Variants in SLC10A7 observed in about 807,000 individuals in gnomAD.
SLC10A7 encodes the protein solute carrier family 10 member 7.
Under a neutral mutation model 43.2 loss-of-function variants are expected in SLC10A7, and 29 were observed. That is an observed-to-expected ratio of 0.67 (90% CI 0.50 to 0.92). The LOEUF (loss-of-function observed/expected upper bound fraction) is 0.92, where lower values mean the gene tolerates loss of function less well. Ranked by LOEUF, SLC10A7 falls within the 40% of genes least tolerant of loss-of-function variation. The pLI, the probability that SLC10A7 is intolerant of heterozygous loss-of-function variation, is 0.00. For missense variants in SLC10A7, 295 were observed against 403.2 expected (o/e 0.73, Z 2.30); for synonymous variants, 152 against 144.8 (o/e 1.05, Z -0.35).
intron 5 of SLC10A7, among the ~76,000 whole-genome samples, chr4:146,391,434 C>T (rs927752105): frequency 2.0e-5 from 3 of 152,072 alleles, no homozygotes; most frequent in Admixed American, 6.5e-5. Flanking sequence ...GAAGAAAAAG[C>T]GTAAAGTAAA....
Position 146,328,054 on chromosome 4 carries a change from C to T in SLC10A7, c.436-2058G>A, listed in dbSNP as rs890180043. ...GACCCACCCTGCTCCCTGCCACTGGCGCCTGTGCACACCATTGGGAGGCCT... is the reference window on the plus strand; with the variant it reads ...GACCCACCCTGCTCCCTGCCACTGGTGCCTGTGCACACCATTGGGAGGCCT... On this transcript the variant is annotated intron_variant, in intron 5 of 11. Coordinates refer to ENST00000335472, the MANE Select transcript of SLC10A7 (RefSeq NM_001029998.6). Among the ~76,000 whole-genome samples the T allele has an allele frequency of 5.3e-5, 8 of 152,150 alleles. No homozygotes were observed. In the South Asian group the frequency reaches 8.3e-4, roughly 16 times the overall value.
intron 5 of SLC10A7, among the ~76,000 whole-genome samples, chr4:146,374,354 C>T (rs749712431): frequency 2.6e-5 from 4 of 151,594 alleles, no homozygotes; most frequent in East Asian, 1.9e-4. Context: ...TTTGGGAGGC[C>T]GAGGCAGGCA....
At chr4:146,388,044 C>G (rs1450783467) in intron 5 of SLC10A7, among the ~76,000 whole-genome samples, 1 of 152,146 alleles carries the variant, frequency 6.6e-6, no homozygotes, top group Non-Finnish European at 1.5e-5. Flanking sequence ...AAATTACCAA[C>G]ATCATTTTTC....
chr4:146,292,006 C>T (rs1465346984), intron 9 of SLC10A7, among the ~76,000 whole-genome samples: 2 of 152,090 alleles, frequency 1.3e-5, no homozygotes, highest in Admixed American at 1.3e-4. Flanking sequence ...AAGGAGGAAC[C>T]AGGACATGGA....
chr4:146,370,782 A>C (rs560172301), intron 5 of SLC10A7, among the ~76,000 whole-genome samples: 5 of 152,244 alleles, frequency 3.3e-5, no homozygotes, highest in Admixed American at 1.3e-4. Flanking sequence ...CGAAATGTCT[A>C]CTCCAAAAAG....
chr4:146,485,954 A>G (rs1375107602), intron 4 of SLC10A7, among the ~76,000 whole-genome samples: 3 of 152,196 alleles, frequency 2.0e-5, no homozygotes, highest in Non-Finnish European at 2.9e-5. Context: ...AAAAATATAG[A>G]GATTAAAAAA....
chr4:146,427,133 C>G (rs542296698), intron 5 of SLC10A7, among the ~76,000 whole-genome samples: 2 of 151,820 alleles, frequency 1.3e-5, no homozygotes, highest in African/African-American at 4.8e-5. Flanking sequence ...GATTGTAGAC[C>G]AGCTTGGGTA....
chr4:146,361,504 T>C (rs1014887068), intron 5 of SLC10A7, among the ~76,000 whole-genome samples: 3 of 152,160 alleles, frequency 2.0e-5, no homozygotes, highest in Admixed American at 1.3e-4. Flanking sequence ...CTGCAACAGT[T>C]GCAGTATTGC....
chr4:146,521,585 C>G lies in SLC10A7; in HGVS notation c.100+33G>C, dbSNP rs560313083. On this transcript the variant is annotated intron_variant, in intron 1 of 11. Transcript: ENST00000335472. ...TCACAAATTAGTTCTGAAGTGGGAGCCGCGGTGGAGCCGGCAGAGGTGCAG... is the reference window on the plus strand; with the variant it reads ...TCACAAATTAGTTCTGAAGTGGGAGGCGCGGTGGAGCCGGCAGAGGTGCAG... The G allele has an allele frequency of 1.0e-5, 16 of 1,571,298 alleles. No individual in the cohort carries two copies. The South Asian group carries it at 1.8e-4, about 18-fold the overall frequency.
chr4:146,374,741 A>G (rs1579024963), intron 5 of SLC10A7, among the ~76,000 whole-genome samples: 1 of 152,084 alleles, frequency 6.6e-6, no homozygotes, highest in African/African-American at 2.4e-5. Context: ...CTGTGCTAAC[A>G]TTACTTCAAT....
intron 5 of SLC10A7, among the ~76,000 whole-genome samples, chr4:146,437,124 T>C (rs1290296012): frequency 6.6e-6 from 1 of 152,114 alleles, no homozygotes; most frequent in Non-Finnish European, 1.5e-5. Context: ...TTGAATCTAA[T>C]GGACTCTGAG....
intron 4 of SLC10A7, among the ~76,000 whole-genome samples, chr4:146,471,984 C>G (rs966357134): frequency 6.6e-6 from 1 of 152,066 alleles, no homozygotes; most frequent in Non-Finnish European, 1.5e-5. Context: ...CCATACCCCC[C>G]CACTCCCAAA....
chr4:146,470,359 C>T (rs1366966376), intron 4 of SLC10A7, among the ~76,000 whole-genome samples: 1 of 151,118 alleles, frequency 6.6e-6, no homozygotes, highest in Non-Finnish European at 1.5e-5. Context: ...ATTATATATA[C>T]ATATAAATGT....
intron 1 of SLC10A7, among the ~76,000 whole-genome samples, chr4:146,519,110 T>A (rs1341597567): frequency 0.021 from 352 of 16,648 alleles, 16 homozygotes; most frequent in African/African-American, 0.08. Flanking sequence ...TATATATATA[T>A]ATAATATAAT....
chr4:146,477,102 G>A (rs560858607), intron 4 of SLC10A7, among the ~76,000 whole-genome samples: 3 of 152,294 alleles, frequency 2.0e-5, no homozygotes, highest in African/African-American at 7.2e-5. Flanking sequence ...ATTAAAAGAA[G>A]CCTTGACCAC....
At chr4:146,500,526 G>A (rs1002111172) in intron 4 of SLC10A7, among the ~76,000 whole-genome samples, 8 of 151,944 alleles carry the variant, frequency 5.3e-5, no homozygotes, top group African/African-American at 1.7e-4. Flanking sequence ...AACAGCCCAA[G>A]GTCTACTGAC....
At chr4:146,332,877 T>C (rs1400888798) in intron 5 of SLC10A7, among the ~76,000 whole-genome samples, 1 of 152,168 alleles carries the variant, frequency 6.6e-6, no homozygotes, top group African/African-American at 2.4e-5. Context: ...CTGATGATAT[T>C]TCTGGATATG....
At position 146,256,448 on chromosome 4, in the gene SLC10A7, T is replaced by C. The variant is rs866022689; in HGVS notation, c.*43A>G. Reference sequence around the variant, plus strand: ...TCTTCAGAATTGCTAGTATGTACAATCCTGTACATATATACATTGCTACAG... The same window carrying C: ...TCTTCAGAATTGCTAGTATGTACAACCCTGTACATATATACATTGCTACAG... On this transcript the variant is annotated 3_prime_UTR_variant, in exon 12 of 12. Coordinates refer to ENST00000335472, the MANE Select transcript of SLC10A7 (RefSeq NM_001029998.6). The C allele has an allele frequency of 6.3e-7, 1 of 1,585,952 alleles. No individual in the cohort carries two copies. Among genetic ancestry groups the C allele is most frequent in the Middle Eastern group, 1.7e-4 (1 of 6,020 alleles).
At chr4:146,515,939 A>G (rs1438699636) in intron 2 of SLC10A7, among the ~76,000 whole-genome samples, 2 of 151,496 alleles carry the variant, frequency 1.3e-5, no homozygotes, top group Non-Finnish European at 2.9e-5. Context: ...AAAAAACCCA[A>G]TGAAAAGATT....
Sources: gnomAD v4.1 joint callset for allele counts (sites outside exome capture counted in the v4.1 genomes callset) on GRCh38, gnomAD v4.1.1 for gene constraint, MANE v1.5 for transcripts, NCBI Gene and HGNC (gene_info 2026-07-23, HGNC 2026-07-21) for gene names.